KCNQ5: variants seen among roughly 807,000 people sequenced by gnomAD.
KCNQ5 encodes the protein potassium voltage-gated channel subfamily Q member 5.
KCNQ5 carries 30 observed loss-of-function variants against 98.2 expected under a neutral mutation model. That is an observed-to-expected ratio of 0.31 (90% CI 0.23 to 0.41). The LOEUF is 0.41. Ranked by LOEUF, KCNQ5 falls within the 10% of genes least tolerant of loss-of-function variation. KCNQ5 has a pLI of 1.00. For synonymous variants in KCNQ5, 458 were observed against 449.4 expected (o/e 1.02, Z -0.24); for missense variants, 835 against 1,182.5 (o/e 0.71, Z 4.31).
chr6:72,706,506 T>C (rs1293496132), intron 1 of KCNQ5, among the ~76,000 whole-genome samples: 1 of 152,102 alleles, frequency 6.6e-6, no homozygotes, highest in Non-Finnish European at 1.5e-5. Flanking sequence ...TATATTTACA[T>C]ATTTTTAATC....
chr6:72,923,239 C>G (rs950492730), intron 1 of KCNQ5, among the ~76,000 whole-genome samples: 1 of 152,102 alleles, frequency 6.6e-6, no homozygotes, highest in African/African-American at 2.4e-5. Context: ...GATTTCATTT[C>G]CTTTAGAAAT....
At chr6:72,888,696 C>T (rs770786259) in intron 1 of KCNQ5, among the ~76,000 whole-genome samples, 1 of 152,096 alleles carries the variant, frequency 6.6e-6, no homozygotes, top group Non-Finnish European at 1.5e-5. Flanking sequence ...TTTGTAATGC[C>T]CAGATAATAA....
intron 5 of KCNQ5, among the ~76,000 whole-genome samples, chr6:73,098,693 G>C (rs115789687): frequency 6.6e-6 from 1 of 152,042 alleles, no homozygotes; most frequent in Non-Finnish European, 1.5e-5. Flanking sequence ...GACTTTCCCA[G>C]ACAAACAAAA....
intron 1 of KCNQ5, among the ~76,000 whole-genome samples, chr6:72,832,606 T>A (rs1562012365): frequency 6.6e-6 from 1 of 152,120 alleles, no homozygotes; most frequent in Admixed American, 6.5e-5. Context: ...AAGCAAACTG[T>A]CTCCTAAATT....
chr6:72,941,548 CTTCT>C (rs1431738982), intron 1 of KCNQ5, among the ~76,000 whole-genome samples: 4 of 85,016 alleles, frequency 4.7e-5, no homozygotes, highest in African/African-American at 1.4e-4. Context: ...CCTTCCTTTC[CTTCT>C]TCCCTCCCTC....
intron 1 of KCNQ5, among the ~76,000 whole-genome samples, chr6:72,743,007 T>C (rs1771207341): frequency 6.6e-6 from 1 of 152,202 alleles, no homozygotes; most frequent in Admixed American, 6.5e-5. Flanking sequence ...AAACTCTCTT[T>C]TTAGGGGTGA....
chr6:72,988,356 A>G (rs1183081830), intron 1 of KCNQ5, among the ~76,000 whole-genome samples: 3 of 152,268 alleles, frequency 2.0e-5, no homozygotes, highest in Non-Finnish European at 4.4e-5. Flanking sequence ...CCTTTGTCCC[A>G]ACATGGATGA....
At chr6:72,889,021 A>G (rs1778957271) in intron 1 of KCNQ5, among the ~76,000 whole-genome samples, 1 of 152,158 alleles carries the variant, frequency 6.6e-6, no homozygotes, top group South Asian at 2.1e-4. Flanking sequence ...TAAGTTATAT[A>G]GGACATTAAA....
chr6:72,921,425 T>C (rs1284225639), intron 1 of KCNQ5, among the ~76,000 whole-genome samples: 6 of 152,156 alleles, frequency 3.9e-5, no homozygotes, highest in African/African-American at 1.4e-4. Context: ...CAAGAAATAG[T>C]TGACCAGGGG....
chr6:72,888,361 A>G (rs1236943842), intron 1 of KCNQ5, among the ~76,000 whole-genome samples: 3 of 152,220 alleles, frequency 2.0e-5, no homozygotes, highest in African/African-American at 7.2e-5. Context: ...AGAAACTGCA[A>G]GTACTTTAAT....
At chr6:72,898,876 G>C (rs1408873465) in intron 1 of KCNQ5, among the ~76,000 whole-genome samples, 2 of 152,086 alleles carry the variant, frequency 1.3e-5, no homozygotes, top group Non-Finnish European at 2.9e-5. Flanking sequence ...ATTCTGACTG[G>C]TATGAGATGG....
At chr6:72,985,034 C>T (rs1398924471) in intron 1 of KCNQ5, among the ~76,000 whole-genome samples, 1 of 152,088 alleles carries the variant, frequency 6.6e-6, no homozygotes, top group Non-Finnish European at 1.5e-5. Flanking sequence ...GTGAGACTGT[C>T]ACTACAAAAA....
chr6:72,838,794 C>CA (rs1471562265), intron 1 of KCNQ5, among the ~76,000 whole-genome samples: 2 of 150,412 alleles, frequency 1.3e-5, no homozygotes, highest in Non-Finnish European at 1.5e-5. Flanking sequence ...ACTAAAAATA[C>CA]AAAAAATTAG....
At chr6:72,778,353 C>G (rs1367049329) in intron 1 of KCNQ5, among the ~76,000 whole-genome samples, 1 of 151,898 alleles carries the variant, frequency 6.6e-6, no homozygotes, top group African/African-American at 2.4e-5. Context: ...CCTGGGTAAC[C>G]TGACAAAACC....
chr6:72,884,381 A>G (rs1778772401), intron 1 of KCNQ5, among the ~76,000 whole-genome samples: 1 of 152,244 alleles, frequency 6.6e-6, no homozygotes. Context: ...AAAAGAAGGA[A>G]AAGTCCAATA....
At chr6:72,849,210 A>G (rs1420145766) in intron 1 of KCNQ5, among the ~76,000 whole-genome samples, 1 of 152,074 alleles carries the variant, frequency 6.6e-6, no homozygotes, top group Non-Finnish European at 1.5e-5. Context: ...ATTTAAATTG[A>G]TTACATATAT....
chr6:72,814,273 CA>C (rs1262766470), intron 1 of KCNQ5, among the ~76,000 whole-genome samples: 1 of 152,156 alleles, frequency 6.6e-6, no homozygotes, highest in African/African-American at 2.4e-5. Context: ...CACCGCAGTG[CA>C]ATGTAATGGC....
At chr6:72,923,284 G>C (rs1303691035) in intron 1 of KCNQ5, among the ~76,000 whole-genome samples, 1 of 152,102 alleles carries the variant, frequency 6.6e-6, no homozygotes, top group Non-Finnish European at 1.5e-5. Context: ...GATAATTCTA[G>C]GTTTATTTTT....
intron 11 of KCNQ5, among the ~76,000 whole-genome samples, chr6:73,172,684 T>C (rs566856320): frequency 2.6e-5 from 4 of 152,224 alleles, no homozygotes; most frequent in Non-Finnish European, 5.9e-5. Context: ...AGTATGTATA[T>C]GTATATTACA....
Sources: allele counts gnomAD v4.1 joint callset (sites outside exome capture counted in the v4.1 genomes callset), GRCh38; gene constraint gnomAD v4.1.1; transcripts MANE v1.5; gene names NCBI Gene and HGNC (gene_info 2026-07-23, HGNC 2026-07-21).